The following LMAN1 variants were observed in gnomAD, a reference collection of about 807,000 sequenced individuals.
LMAN1 encodes the protein protein ERGIC-53.
Under a neutral mutation model 67.8 loss-of-function variants are expected in LMAN1, and 32 were observed. That is an observed-to-expected ratio of 0.47 (90% CI 0.36 to 0.63). The LOEUF (loss-of-function observed/expected upper bound fraction) is 0.63, where lower values mean the gene tolerates loss of function less well. Among genes scored for constraint, LMAN1 ranks in the 30% least tolerant of loss-of-function variants. The pLI is 0.00. For synonymous variants in LMAN1, 235 were observed against 219.3 expected, an observed-to-expected ratio of 1.07 and a Z score of -0.63; for missense variants, 632 against 628.2, an observed-to-expected ratio of 1.01 and a Z score of -0.06.
intron 8 of LMAN1, among the ~76,000 whole-genome samples, chr18:59,340,859 A>C (rs1908271273): frequency 6.6e-6 from 1 of 152,210 alleles, no homozygotes; most frequent in African/African-American, 2.4e-5. Flanking sequence ...GACAAGAACA[A>C]AGCCTCATAT....
At chr18:59,352,961 C>A in intron 5 of LMAN1, 1 of 440,526 alleles carries the variant, frequency 2.3e-6, no homozygotes, top group African/African-American at 2.0e-5. Flanking sequence ...ATATCTCTCA[C>A]ATGTGCTATA....
At chr18:59,353,934 G>A (rs1207877391) in intron 4 of LMAN1, among the ~76,000 whole-genome samples, 5 of 152,084 alleles carry the variant, frequency 3.3e-5, no homozygotes, top group African/African-American at 1.2e-4. Flanking sequence ...TGATGTAAAT[G>A]CTTTGTAAAT....
chr18:59,328,592 T>C lies in LMAN1; in HGVS notation c.*2501A>G, dbSNP rs965684532. ...TATTTTTTTTTTCCCACTCCTCATT[T>C]TAGTGGTTCTCAAACATTGGTGTGC... On this transcript the variant is annotated 3_prime_UTR_variant, in exon 13 of 13. Coordinates refer to ENST00000251047, the MANE Select transcript of LMAN1 (RefSeq NM_005570.4). 7 of 152,296 alleles carry C rather than the reference T, an allele frequency of 4.6e-5. No individual in the cohort carries two copies. The South Asian group carries it at 8.3e-4, about 18-fold the overall frequency. The allele number at this position is 152,296 out of a possible 1,614,324, so 9.4% of individuals were successfully genotyped here.
intron 8 of LMAN1, among the ~76,000 whole-genome samples, chr18:59,343,773 A>G (rs546249517): frequency 1.2e-4 from 18 of 152,180 alleles, no homozygotes; most frequent in African/African-American, 3.8e-4. Flanking sequence ...TCAAAGGCAA[A>G]CACAAGAAAA....
At position 59,331,135 on chromosome 18, in the gene LMAN1, GA is replaced by G. The variant is rs768370534; in HGVS notation, c.1497-7del. 1.9e-6 allele frequency: 3 copies of G among 1,609,296 alleles called. No homozygotes were observed. Among genetic ancestry groups the G allele is most frequent in the South Asian group, 1.1e-5 (1 of 90,496 alleles). ...CAGCTGCTTCTTGCTGAGACCTAAT[GA>G]AAAAAAGAAACAAACACTTAAAGAA... is the stretch of plus-strand genomic sequence containing the variant. On this transcript the variant is annotated splice_polypyrimidine_tract_variant and splice_region_variant and intron_variant, in intron 12 of 12. Coordinates refer to ENST00000251047, the MANE Select transcript of LMAN1 (RefSeq NM_005570.4).
intron 8 of LMAN1, among the ~76,000 whole-genome samples, chr18:59,344,951 G>A (rs1021728818): frequency 1.3e-5 from 2 of 152,162 alleles, no homozygotes; most frequent in African/African-American, 4.8e-5. Flanking sequence ...AGGCATGAGG[G>A]AACTTTCTGG....
At chr18:59,339,575 C>T (rs754349938) in intron 8 of LMAN1, among the ~76,000 whole-genome samples, 1 of 152,196 alleles carries the variant, frequency 6.6e-6, no homozygotes, top group Non-Finnish European at 1.5e-5. Context: ...AGAGATGTTG[C>T]TCCATAAAGG....
chr18:59,356,815 T>A (rs1908669913), intron 1 of LMAN1, among the ~76,000 whole-genome samples: 1 of 152,170 alleles, frequency 6.6e-6, no homozygotes, highest in African/African-American at 2.4e-5. Flanking sequence ...ATAAAACAGA[T>A]AACACCCGCC....
chr18:59,344,608 G>A (rs552398900), intron 8 of LMAN1, among the ~76,000 whole-genome samples: 41 of 151,668 alleles, frequency 2.7e-4, no homozygotes, highest in Middle Eastern at 6.8e-3. Flanking sequence ...TAAACAATGG[G>A]TACACATGGA....
intron 10 of LMAN1, among the ~76,000 whole-genome samples, chr18:59,337,715 G>C (rs1292732150): frequency 1.3e-5 from 2 of 152,154 alleles, no homozygotes; most frequent in African/African-American, 4.8e-5. Flanking sequence ...CATGAGTTCA[G>C]ATTATGAAGA....
chr18:59,336,420 T>C (rs923642944), intron 10 of LMAN1, among the ~76,000 whole-genome samples: 1 of 152,126 alleles, frequency 6.6e-6, no homozygotes, highest in Non-Finnish European at 1.5e-5. Flanking sequence ...CCTGAAACAA[T>C]TTGAGCAGCA....
Position 59,330,048 on chromosome 18 carries a change from A to C in LMAN1, c.*1045T>G, listed in dbSNP as rs996437703. ...GCTTCACAATGTCCTTAGTTCTGGC[A>C]CTAAAAGGAAACAATTAGAAGTATT... is the stretch of plus-strand genomic sequence containing the variant. On this transcript the variant is annotated 3_prime_UTR_variant, in exon 13 of 13. Transcript: ENST00000251047. 1.3e-5 allele frequency: 2 copies of C among 152,318 alleles called. No individual in the cohort carries two copies. Among genetic ancestry groups the C allele is most frequent in the Non-Finnish European group, 2.9e-5 (2 of 68,014 alleles). 9.4% of individuals were successfully genotyped at this position (152,318 alleles called of 1,614,324 possible).
chr18:59,331,432 A>G lies in LMAN1; in HGVS notation c.1482T>C (p.Gly494=), dbSNP rs752474998. The change falls in exon 12 of 13, where the codon GGT becomes GGC. Residue 494 remains glycine, a synonymous_variant. Coordinates refer to ENST00000251047, the MANE Select transcript of LMAN1 (RefSeq NM_005570.4). ...FVVVQTVLFI[G]YIMYRSQQEA... ...AAGAGACTTACCTATACATGATATA[A>G]CCAATGAATAATACAGTTTGCACCA... 62 of 1,608,054 alleles carry G rather than the reference A, an allele frequency of 3.9e-5. No individual in the cohort carries two copies. The highest frequency in any genetic ancestry group is 5.2e-5 in the Non-Finnish European group (61 of 1,174,888).
chr18:59,332,337 T>C (rs1603393685), intron 11 of LMAN1, among the ~76,000 whole-genome samples: 1 of 151,978 alleles, frequency 6.6e-6, no homozygotes, highest in African/African-American at 2.4e-5. Flanking sequence ...TATTAAGCCA[T>C]CTTTGAAAAA....
At chr18:59,345,661 A>ATGAGGAC (rs1908382905) in intron 8 of LMAN1, among the ~76,000 whole-genome samples, 1 of 152,234 alleles carries the variant, frequency 6.6e-6, no homozygotes, top group East Asian at 1.9e-4. Flanking sequence ...TGGAGCTTTC[A>ATGAGGAC]CTCTAGCGGT....
At chr18:59,335,447 A>G (rs1277463352) in intron 10 of LMAN1, among the ~76,000 whole-genome samples, 1 of 151,990 alleles carries the variant, frequency 6.6e-6, no homozygotes, top group Non-Finnish European at 1.5e-5. Context: ...AGAAAAAAAA[A>G]AAAAGAAAGA....
chr18:59,333,854 A>C (rs1461953742), intron 10 of LMAN1, among the ~76,000 whole-genome samples: 5 of 152,086 alleles, frequency 3.3e-5, no homozygotes, highest in African/African-American at 1.2e-4. Context: ...ACCAAAAGAA[A>C]AAAAAAAAAG....
At chr18:59,347,712 A>C in intron 6 of LMAN1, 141 bp from the exon 7 acceptor site, 1 of 663,136 alleles carries the variant, frequency 1.5e-6, no homozygotes, top group Non-Finnish European at 2.6e-6. Flanking sequence ...TAATTTGGTA[A>C]AGGCAATGGC....
intron 8 of LMAN1, among the ~76,000 whole-genome samples, chr18:59,344,993 G>T (rs184899406): frequency 1.3e-5 from 2 of 152,290 alleles, no homozygotes; most frequent in East Asian, 3.9e-4. Context: ...ACTGATCGGG[G>T]TGATGGTTAA....
Sources: gnomAD v4.1 joint callset for allele counts (sites outside exome capture counted in the v4.1 genomes callset) on GRCh38, gnomAD v4.1.1 for gene constraint, MANE v1.5 for transcripts, NCBI Gene and HGNC (gene_info 2026-07-23, HGNC 2026-07-21) for gene names.